The following PLSCR4 variants were observed in gnomAD, a reference collection of about 807,000 sequenced individuals.
PLSCR4 encodes phospholipid scramblase 4, also known as Ca(2+)-dependent phospholipid scramblase 4.
A neutral mutation model predicts 36.3 loss-of-function variants in PLSCR4; 25 were observed. The ratio of observed to expected loss-of-function variants is 0.69; its 90% CI spans 0.50 to 0.96. The LOEUF is 0.96. Among genes scored for constraint, PLSCR4 ranks in the 40% least tolerant of loss-of-function variants. The pLI, the probability that PLSCR4 is intolerant of heterozygous loss-of-function variation, is 0.00. For synonymous variants in PLSCR4, 122 were observed against 132.9 expected (o/e 0.92, Z 0.56); for missense variants, 408 against 414.7 (o/e 0.98, Z 0.14).
At chr3:146,235,468 T>G (rs1223387347) in intron 1 of PLSCR4, among the ~76,000 whole-genome samples, 1 of 152,180 alleles carries the variant, frequency 6.6e-6, no homozygotes, top group Non-Finnish European at 1.5e-5. Context: ...GCATCATGCT[T>G]CCTGTACAGC....
chr3:146,201,176 G>T, intron 4 of PLSCR4, 99 bp from the exon 5 acceptor site: 1 of 701,578 alleles, frequency 1.4e-6, no homozygotes, highest in Non-Finnish European at 2.3e-6. Context: ...TGCATCAATT[G>T]ATACCAAAAT....
chr3:146,232,508 G>C (rs961319866), intron 1 of PLSCR4, among the ~76,000 whole-genome samples: 2 of 152,034 alleles, frequency 1.3e-5, no homozygotes, highest in East Asian at 3.9e-4. Context: ...TGTTATCTCT[G>C]ATTTCTTTCA....
chr3:146,224,249 T>C (rs899540668), intron 1 of PLSCR4, among the ~76,000 whole-genome samples: 24 of 152,182 alleles, frequency 1.6e-4, no homozygotes, highest in South Asian at 1.0e-3. Context: ...AATAAATAAA[T>C]TCTGGTACAT....
Position 146,195,118 on chromosome 3 carries a change from G to T in PLSCR4, c.945+6C>A. 1 of 1,612,756 alleles carries T rather than the reference G, an allele frequency of 6.2e-7. No individual in the cohort carries two copies. Among genetic ancestry groups the T allele is most frequent in the Admixed American group, 1.7e-5 (1 of 59,970 alleles). On this transcript the variant is annotated splice_donor_region_variant and intron_variant, in intron 8 of 8. Transcript: ENST00000354952. ...TCTCAGGATAACTCAAAAATAGAAG[G>T]CTTACAATGAGGAAGCAAGCTCCAA...
Position 146,239,967 on chromosome 3 carries a change from A to G in PLSCR4, c.-22+10993T>C, listed in dbSNP as rs182530713. Among the ~76,000 whole-genome samples, 668 of 152,318 alleles carry G rather than the reference A, an allele frequency of 4.4e-3. 6 individuals carry two copies. Among genetic ancestry groups the G allele is most frequent in the Middle Eastern group, 0.017 (5 of 294 alleles). On this transcript the variant is annotated intron_variant, in intron 1 of 8. Transcript: ENST00000354952. ...AAACGCAGGAGTAAATCTTCATGACATTGGGTTAGGCAATGGTTTCATTGA... is the reference window on the plus strand; with the variant it reads ...AAACGCAGGAGTAAATCTTCATGACGTTGGGTTAGGCAATGGTTTCATTGA...
intron 4 of PLSCR4, among the ~76,000 whole-genome samples, chr3:146,205,344 T>C (rs1182087714): frequency 6.6e-6 from 1 of 152,002 alleles, no homozygotes; most frequent in Non-Finnish European, 1.5e-5. Flanking sequence ...CTTTACAATT[T>C]CATGGACATA....
intron 4 of PLSCR4, among the ~76,000 whole-genome samples, chr3:146,205,393 A>AT (rs1187908478): frequency 2.6e-5 from 4 of 151,962 alleles, no homozygotes; most frequent in South Asian, 4.1e-4. Flanking sequence ...TAGCATAGGA[A>AT]TTTTTTTATT....
chr3:146,202,519 T>C (rs537479371), intron 4 of PLSCR4, among the ~76,000 whole-genome samples: 59 of 152,210 alleles, frequency 3.9e-4, no homozygotes, highest in African/African-American at 1.3e-3. Context: ...CTCTTGCTGG[T>C]AGAGGGTCTT....
Position 146,206,633 on chromosome 3 carries a change from A to AT in PLSCR4, c.246_247insA (p.Tyr83IlefsTer47), listed in dbSNP as rs1484978359. 1.9e-6 allele frequency: 3 copies of AT among 1,613,424 alleles called. No individual in the cohort carries two copies. In the Admixed American group the frequency reaches 5.0e-5, roughly 27 times the overall value. On this transcript the variant is annotated frameshift_variant, in exon 4 of 9. Transcript: ENST00000354952. LOFTEE classifies it high-confidence loss of function. ...GGCATAGGATATTTGCCAGGCTGAT[A>AT]CCGGACAGGATGGATACCACCAACT...
rs1042689599 is a variant in PLSCR4, at chr3:146,213,178, A to G, written c.119-6417T>C. 3.9e-4 allele frequency among the ~76,000 whole-genome samples: 60 copies of G among 152,054 alleles called. 1 individual carries two copies. Among genetic ancestry groups the G allele is most frequent in the African/African-American group, 1.4e-3 (59 of 41,422 alleles). ...TATATTTATTAGGGATATGATCTTT[A>G]GTTTTCTTTTCTTGTAACATCTATG... is the stretch of plus-strand genomic sequence containing the variant. On this transcript the variant is annotated intron_variant, in intron 3 of 8. Coordinates refer to ENST00000354952, the MANE Select transcript of PLSCR4 (RefSeq NM_020353.3).
rs1306514367 is a variant in PLSCR4, at chr3:146,214,265, GCGCCCGCCACTA to G, written c.118+6538_118+6549del. On this transcript the variant is annotated intron_variant, in intron 3 of 8. Transcript: ENST00000354952. ...GCCTCCCAAGTAGCTGGGACTACAG[GCGCCCGCCACTA>G]CGCCCGGCTAATTTTTTGTATTTTT... Among the ~76,000 whole-genome samples, 2 of 51,570 alleles carry G rather than the reference GCGCCCGCCACTA, an allele frequency of 3.9e-5. 1 individual carries two copies. The highest frequency in any genetic ancestry group is 1.3e-4 in the African/African-American group (2 of 15,912). The allele number at this position is 51,570 out of a possible 152,430, so 33.8% of individuals were successfully genotyped here. A position where few individuals can be genotyped will look rare whatever the true frequency, so the allele number is the denominator to read the frequency against.
intron 1 of PLSCR4, among the ~76,000 whole-genome samples, chr3:146,226,109 G>C (rs1031555622): frequency 2.0e-5 from 3 of 152,200 alleles, no homozygotes; most frequent in African/African-American, 7.2e-5. Flanking sequence ...TTTCAGAAAA[G>C]GGTTATGTGT....
At chr3:146,245,888 T>TC (rs1463540408) in intron 1 of PLSCR4, among the ~76,000 whole-genome samples, 3 of 152,110 alleles carry the variant, frequency 2.0e-5, no homozygotes, top group Admixed American at 2.0e-4. Flanking sequence ...AGTACAATCC[T>TC]CTTTATAGAC....
chr3:146,234,051 C>T (rs898493429), intron 1 of PLSCR4, among the ~76,000 whole-genome samples: 10 of 152,086 alleles, frequency 6.6e-5, no homozygotes, highest in African/African-American at 2.4e-4. Context: ...GGATAACATG[C>T]AGTAAACTGA....
At chr3:146,243,759 C>A (rs74949294) in intron 1 of PLSCR4, among the ~76,000 whole-genome samples, 2,563 of 152,224 alleles carry the variant, frequency 0.017, 78 homozygotes, top group African/African-American at 0.058. Flanking sequence ...AATGAGACAG[C>A]GGACTCCAGA....
At chr3:146,225,989 A>T (rs2035460342) in intron 1 of PLSCR4, among the ~76,000 whole-genome samples, 2 of 152,240 alleles carry the variant, frequency 1.3e-5, no homozygotes, top group South Asian at 4.1e-4. Flanking sequence ...ACCTCGCAGT[A>T]TGATTCCACG....
chr3:146,203,743 G>A (rs148423466), intron 4 of PLSCR4, among the ~76,000 whole-genome samples: 11 of 151,878 alleles, frequency 7.2e-5, no homozygotes, highest in African/African-American at 2.7e-4. Flanking sequence ...GCTTTGCTCT[G>A]AATTATGCTT....
At chr3:146,234,546 CTTTT>C (rs975617738) in intron 1 of PLSCR4, among the ~76,000 whole-genome samples, 1 of 151,816 alleles carries the variant, frequency 6.6e-6, no homozygotes, top group Non-Finnish European at 1.5e-5. Context: ...ACCCTGTTCC[CTTTT>C]TTTTCTCTCT....
intron 3 of PLSCR4, among the ~76,000 whole-genome samples, chr3:146,212,350 G>C (rs2034666884): frequency 6.7e-6 from 1 of 149,938 alleles, no homozygotes; most frequent in African/African-American, 2.4e-5. Context: ...AATACTTTTG[G>C]ATTTCTGTAT....
Sources: gnomAD v4.1 joint callset for allele counts (sites outside exome capture counted in the v4.1 genomes callset) on GRCh38, gnomAD v4.1.1 for gene constraint, MANE v1.5 for transcripts, NCBI Gene and HGNC (gene_info 2026-07-23, HGNC 2026-07-21) for gene names.